The following REXO4 variants were observed in gnomAD, a reference collection of about 807,000 sequenced individuals.
The protein encoded by REXO4 is REX4 homolog, 3'-5' exonuclease.
REXO4 carries 29 observed loss-of-function variants against 39.9 expected under a neutral mutation model. The ratio of observed to expected loss-of-function variants is 0.73; its 90% confidence interval spans 0.54 to 0.99. The LOEUF (loss-of-function observed/expected upper bound fraction) is 0.99. REXO4 is among the 50% of genes least tolerant of loss of function. The pLI is 0.00. For missense variants in REXO4, 524 were observed against 546.5 expected, an observed-to-expected ratio of 0.96 and a Z score of 0.41; for synonymous variants, 184 against 206.2, an observed-to-expected ratio of 0.89 and a Z score of 0.92.
At chr9:133,416,991 G>T (rs1272733294) in intron 1 of REXO4, among the ~76,000 whole-genome samples, 1 of 152,168 alleles carries the variant, frequency 6.6e-6, no homozygotes, top group Non-Finnish European at 1.5e-5. Context: ...TCCCTGTCTT[G>T]CTACACAGAC....
intron 5 of REXO4, among the ~76,000 whole-genome samples, chr9:133,409,919 G>C (rs1325572707): frequency 5.3e-5 from 8 of 152,186 alleles, no homozygotes; most frequent in Admixed American, 5.2e-4. Context: ...GCCAGGGATG[G>C]AGTCAGAGTC....
rs1564394191 is a variant in REXO4 at position 133,412,296 on chromosome 9, T to C, written c.910+3A>G. 2.5e-6 allele frequency: 4 copies of C among 1,613,278 alleles called. No homozygotes were observed. Among genetic ancestry groups the C allele is most frequent in the Non-Finnish European group, 3.4e-6 (4 of 1,179,842 alleles). On this transcript the variant is annotated splice_donor_region_variant and intron_variant, in intron 4 of 7. Coordinates refer to ENST00000371942, the MANE Select transcript of REXO4 (RefSeq NM_020385.4). ...CTAAGTTCCTGAGCTGTGGATGACA[T>C]ACCCTGCTTGAGGTTCTCAGGCCGA...
rs1322372836 is a variant in REXO4, at chr9:133,406,560, T to C, written c.*393A>G. 2 of 226,824 alleles carry C rather than the reference T, an allele frequency of 8.8e-6. No individual in the cohort carries two copies. Among genetic ancestry groups the C allele is most frequent in the Admixed American group, 9.6e-5 (2 of 20,872 alleles). The allele number at this position is 226,824 out of a possible 1,614,324, so 14.1% of individuals were successfully genotyped here. A position where few individuals can be genotyped will look rare whatever the true frequency, so the allele number is the denominator to read the frequency against. ...TGTCCCCTAACACAAAGGAGGAAAATGTGGCTCCTCGAGAGGAAGGTGCTG... is the reference window on the plus strand; with the variant it reads ...TGTCCCCTAACACAAAGGAGGAAAACGTGGCTCCTCGAGAGGAAGGTGCTG... On this transcript the variant is annotated 3_prime_UTR_variant, in exon 8 of 8. Transcript: ENST00000371942.
intron 2 of REXO4, chr9:133,414,362 T>C (rs756508793): frequency 3.2e-5 from 19 of 590,588 alleles, no homozygotes; most frequent in Non-Finnish European, 2.9e-5. Context: ...ACCACCCAAC[T>C]GGCGAGAAGC....
chr9:133,417,576 G>A (rs587761152), intron 1 of REXO4, 44 bp downstream of exon 1: 3 of 1,592,028 alleles, frequency 1.9e-6, no homozygotes, highest in African/African-American at 1.3e-5. Flanking sequence ...CGTTCTGCGG[G>A]AATGAGCTGC....
At chr9:133,417,392 G>A (rs950934005) in intron 1 of REXO4, among the ~76,000 whole-genome samples, 3 of 152,192 alleles carry the variant, frequency 2.0e-5, no homozygotes, top group Non-Finnish European at 4.4e-5. Context: ...AGGTACAAGG[G>A]TTTATCTTTG....
chr9:133,409,105 A>G (rs1839083418), intron 5 of REXO4, among the ~76,000 whole-genome samples: 2 of 152,026 alleles, frequency 1.3e-5, no homozygotes, highest in African/African-American at 4.8e-5. Context: ...AGCTGGGATT[A>G]CAAGTGCCCG....
At chr9:133,408,284 T>G (rs1359030549) in intron 6 of REXO4, among the ~76,000 whole-genome samples, 1 of 151,792 alleles carries the variant, frequency 6.6e-6, no homozygotes, top group South Asian at 2.1e-4. Flanking sequence ...CAAGACCCTA[T>G]CTCTAAAAAA....
rs1839177104 is a variant in REXO4 at position 133,410,969 on chromosome 9, G to T, written c.999+16C>A. The T allele has an allele frequency of 3.1e-6, 5 of 1,608,018 alleles. No individual in the cohort carries two copies. Among genetic ancestry groups the T allele is most frequent in the African/African-American group, 1.3e-5 (1 of 74,800 alleles). ...GGAGCAGGGGCAGGCTGAGTCCCCA[G>T]GAGAGAGCCCAGTACCTTTAGGTCA... On this transcript the variant is annotated intron_variant, in intron 5 of 7. Coordinates refer to ENST00000371942, the MANE Select transcript of REXO4 (RefSeq NM_020385.4).
intron 1 of REXO4, 58 bp from the exon 2 acceptor site, chr9:133,415,069 T>G: frequency 7.0e-7 from 1 of 1,425,328 alleles, no homozygotes; most frequent in South Asian, 1.4e-5. Flanking sequence ...ACACAGCAGA[T>G]TGAAAAAACT....
chr9:133,414,276 G>T, intron 2 of REXO4: 1 of 404,768 alleles, frequency 2.5e-6, no homozygotes, highest in Non-Finnish European at 4.9e-6. Flanking sequence ...TGAGCCAAGA[G>T]TGCCAACCTC....
At position 133,417,885 on chromosome 9, in the gene REXO4, C is replaced by G; in HGVS notation, c.-41G>C. On this transcript the variant is annotated 5_prime_UTR_variant, in exon 1 of 8. Transcript: ENST00000371942. ...CGCCTGGGCCGGCGGCCACCCGAGACCCCGGCCTCCCCGGGCCCGGCGCCC... is the reference window on the plus strand; with the variant it reads ...CGCCTGGGCCGGCGGCCACCCGAGAGCCCGGCCTCCCCGGGCCCGGCGCCC... 1 of 1,568,772 alleles carries G rather than the reference C, an allele frequency of 6.4e-7. No homozygotes were observed.
chr9:133,414,798 T>G lies in REXO4; in HGVS notation c.439A>C (p.Thr147Pro). 6.2e-7 allele frequency: 1 copy of G among 1,614,180 alleles called. No homozygotes were observed. Among genetic ancestry groups the G allele is most frequent in the Non-Finnish European group, 8.5e-7 (1 of 1,180,014 alleles). The change falls in exon 2 of 8, where the codon ACC (threonine) becomes CCC (proline). Residue 147 changes from threonine (T) to proline (P), a missense_variant. Physicochemically the swap from Thr to Pro is conservative, Grantham distance 38. Transcript: ENST00000371942. ...KMDRRAPVPR[T>P]KASGTEHNKK... ...TTGTGCTCTGTTCCACTGGCCTTGGTGCGAGGTACTGGCGCCCTCCTGTCC... is the reference window on the plus strand; with the variant it reads ...TTGTGCTCTGTTCCACTGGCCTTGGGGCGAGGTACTGGCGCCCTCCTGTCC...
At chr9:133,410,765 A>G (rs1019445658) in intron 5 of REXO4, among the ~76,000 whole-genome samples, 1 of 152,200 alleles carries the variant, frequency 6.6e-6, no homozygotes, top group African/African-American at 2.4e-5. Context: ...CTGCTCTGGT[A>G]TGGGTACCCC....
Position 133,414,945 on chromosome 9 carries a change from T to G in REXO4, c.292A>C (p.Lys98Gln). Reference sequence around the variant, plus strand: ...TTTTGCTGGATAATTTTGGGCTTCTTTTTGGAACCCATCTGAGAGATGACA... The same window carrying G: ...TTTTGCTGGATAATTTTGGGCTTCTGTTTGGAACCCATCTGAGAGATGACA... ...PLVISQMGSKKKPKIIQQNKK... is the reference protein window; with the variant it reads ...PLVISQMGSKQKPKIIQQNKK... Residue 98 changes from lysine to glutamine, a missense_variant, in exon 2 of 8, where the codon AAG (lysine) becomes CAG (glutamine). Physicochemically the swap from Lys to Gln is moderately conservative, Grantham distance 53 (BLOSUM62 1). Transcript: ENST00000371942. The G allele has an allele frequency of 6.2e-7, 1 of 1,613,480 alleles. No homozygotes were observed. Among genetic ancestry groups the G allele is most frequent in the Non-Finnish European group, 8.5e-7 (1 of 1,179,926 alleles).
chr9:133,407,781 T>A (rs782746099), intron 7 of REXO4, 26 bp downstream of exon 7: 3 of 1,605,566 alleles, frequency 1.9e-6, no homozygotes, highest in Non-Finnish European at 2.6e-6. Context: ...CCAAACCCCA[T>A]GAACTACCCC....
chr9:133,418,025 G>T (rs903575015), upstream of REXO4: 7 of 606,116 alleles, frequency 1.2e-5, no homozygotes, highest in Admixed American at 9.2e-5. Flanking sequence ...CAGCACGCAC[G>T]CTCCAGTCCC....
intron 1 of REXO4, among the ~76,000 whole-genome samples, chr9:133,416,912 G>A (rs376379594): frequency 1.3e-5 from 2 of 152,330 alleles, no homozygotes; most frequent in African/African-American, 4.8e-5. Flanking sequence ...CTTCAAGACC[G>A]TAAGTGTCGC....
Position 133,408,775 on chromosome 9 carries a change from T to C in REXO4, c.1067A>G (p.Gln356Arg). 1 of 1,594,464 alleles carries C rather than the reference T, an allele frequency of 6.3e-7. No individual in the cohort carries two copies. Among genetic ancestry groups the C allele is most frequent in the Non-Finnish European group, 8.6e-7 (1 of 1,163,722 alleles). ...CACACTCATTCTAAGTACCTTTACTTGACTCTTGAAAGGTTTATATTTCTG... is the reference window on the plus strand; with the variant it reads ...CACACTCATTCTAAGTACCTTTACTCGACTCTTGAAAGGTTTATATTTCTG... ...DTQKYKPFKS[Q>R]VKSGRPSLRL... is the part of the protein sequence containing the mutation. The change falls in exon 6 of 8, where the codon CAA becomes CGA. Residue 356 changes from glutamine (Q) to arginine (R), a missense_variant. By Grantham distance (43) the Gln-to-Arg change is conservative. Coordinates refer to ENST00000371942, the MANE Select transcript of REXO4 (RefSeq NM_020385.4).
Sources: gnomAD v4.1 joint callset for allele counts (sites outside exome capture counted in the v4.1 genomes callset) on GRCh38, gnomAD v4.1.1 for gene constraint, MANE v1.5 for transcripts, NCBI Gene and HGNC (gene_info 2026-07-23, HGNC 2026-07-21) for gene names.